NUSAP1: variants seen among roughly 807,000 people sequenced by gnomAD.
NUSAP1 encodes the protein nucleolar and spindle-associated protein 1.
In NUSAP1, 32 loss-of-function variants were observed where a neutral mutation model predicts 52.8. That is an observed-to-expected ratio of 0.61 (90% CI 0.46 to 0.81). The LOEUF is 0.81. Among genes scored for constraint, NUSAP1 ranks in the 40% least tolerant of loss-of-function variants. The pLI is 0.00. For synonymous variants in NUSAP1, 195 were observed against 183.1 expected (o/e 1.06, Z -0.52); for missense variants, 499 against 522.3 (o/e 0.96, Z 0.43).
intron 1 of NUSAP1, among the ~76,000 whole-genome samples, chr15:41,335,475 G>T (rs1293091733): frequency 7.3e-6 from 1 of 136,362 alleles, no homozygotes; most frequent in African/African-American, 2.7e-5. Flanking sequence ...TACATATTTA[G>T]TATTTAGTGT....
intron 4 of NUSAP1, among the ~76,000 whole-genome samples, chr15:41,353,816 C>G (rs1195960368): frequency 2.0e-5 from 3 of 152,110 alleles, no homozygotes; most frequent in Admixed American, 1.3e-4. Flanking sequence ...GTCCTATTCT[C>G]AACGTCCTCC....
At chr15:41,354,223 C>T (rs113710447) in intron 4 of NUSAP1, among the ~76,000 whole-genome samples, 4,222 of 152,152 alleles carry the variant, frequency 0.028, 87 homozygotes, top group Middle Eastern at 0.078. Flanking sequence ...CAGAAGCAAA[C>T]AGGCCAGGCG....
intron 10 of NUSAP1, among the ~76,000 whole-genome samples, chr15:41,379,753 G>C: frequency 6.6e-6 from 1 of 151,866 alleles, no homozygotes; most frequent in East Asian, 1.9e-4. Context: ...CACCATTTTG[G>C]CCAGGCTGGT....
At chr15:41,377,550 T>G (rs910723439) in intron 10 of NUSAP1, among the ~76,000 whole-genome samples, 1 of 150,488 alleles carries the variant, frequency 6.6e-6, no homozygotes, top group African/African-American at 2.5e-5. Context: ...ATACAAAAAA[T>G]TAGCTGGGCA....
chr15:41,340,091 T>G (rs1420568829), intron 1 of NUSAP1, among the ~76,000 whole-genome samples: 2 of 152,198 alleles, frequency 1.3e-5, no homozygotes, highest in Non-Finnish European at 2.9e-5. Context: ...TAATTTTTGC[T>G]GTGGCCTTTA....
At chr15:41,341,412 T>G (rs927427610) in intron 1 of NUSAP1, among the ~76,000 whole-genome samples, 2 of 152,132 alleles carry the variant, frequency 1.3e-5, no homozygotes, top group Non-Finnish European at 2.9e-5. Context: ...AAATTAACAT[T>G]GTTCTTTCAG....
intron 1 of NUSAP1, 108 bp from the exon 2 acceptor site, chr15:41,342,278 A>G (rs2048391537): frequency 4.1e-6 from 3 of 722,922 alleles, no homozygotes; most frequent in Non-Finnish European, 4.8e-6. Flanking sequence ...TTCTAGTCCT[A>G]TGGTCTGACC....
Position 41,349,208 on chromosome 15 carries a change from G to T in NUSAP1, c.273G>T (p.Arg91Ser). Reference sequence around the variant, plus strand: ...GCCATGTCACCAAAACAAGGAGAAGGTGCAAGACTGTCCGTGTGGACCCTG... The same window carrying T: ...GCCATGTCACCAAAACAAGGAGAAGTTGCAAGACTGTCCGTGTGGACCCTG... ...PLGHVTKTRR[R>S]CKTVRVDPDS... Residue 91 changes from arginine (R) to serine (S), a missense_variant, in exon 3 of 11, where the codon AGG becomes AGT. By Grantham distance (110) the Arg-to-Ser change is moderately radical. Transcript: ENST00000559596. 6.2e-7 allele frequency: 1 copy of T among 1,613,956 alleles called. No homozygotes were observed. The highest frequency in any genetic ancestry group is 1.6e-4 in the Middle Eastern group (1 of 6,062).
At chr15:41,337,548 A>G (rs1298658263) in intron 1 of NUSAP1, among the ~76,000 whole-genome samples, 1 of 152,188 alleles carries the variant, frequency 6.6e-6, no homozygotes, top group African/African-American at 2.4e-5. Context: ...TTAAAAAAAT[A>G]AAAAAGCCAA....
chr15:41,333,452 A>T (rs74376607), intron 1 of NUSAP1, among the ~76,000 whole-genome samples: 12,801 of 151,726 alleles, frequency 0.084, 687 homozygotes, highest in East Asian at 0.16. Flanking sequence ...CCCCAAACAG[A>T]CTCCAGTGAT....
At chr15:41,341,909 C>T (rs1000290473) in intron 1 of NUSAP1, among the ~76,000 whole-genome samples, 1 of 152,242 alleles carries the variant, frequency 6.6e-6, no homozygotes, top group African/African-American at 2.4e-5. Context: ...CTCTTACTAT[C>T]TCCTACAAAC....
At chr15:41,358,063 A>G (rs1165054692) in intron 5 of NUSAP1, 86 bp from the exon 6 acceptor site, 2 of 576,120 alleles carry the variant, frequency 3.5e-6, no homozygotes, top group African/African-American at 3.9e-5. Context: ...GATGCAAAGA[A>G]GAGAATAAGT....
At chr15:41,375,948 C>T in intron 9 of NUSAP1, 120 bp downstream of exon 9, 1 of 646,190 alleles carries the variant, frequency 1.5e-6, no homozygotes, top group Non-Finnish European at 2.8e-6. Context: ...CACCTGTAAT[C>T]CCAGATACTT....
chr15:41,366,291 CTTTTTTT>C (rs1200034822), intron 7 of NUSAP1, among the ~76,000 whole-genome samples: 4 of 139,786 alleles, frequency 2.9e-5, no homozygotes, highest in Admixed American at 7.2e-5. Context: ...TTTCTTTTTT[CTTTTTTT>C]TTTTTTTCTT....
At chr15:41,333,091 G>A in intron 1 of NUSAP1, 41 bp downstream of exon 1, 1 of 1,494,712 alleles carries the variant, frequency 6.7e-7, no homozygotes, top group Non-Finnish European at 9.2e-7. Context: ...GGGCGCGGCG[G>A]GAATAGCGGC....
At chr15:41,350,203 T>C (rs1288357341) in intron 3 of NUSAP1, among the ~76,000 whole-genome samples, 2 of 152,238 alleles carry the variant, frequency 1.3e-5, no homozygotes, top group East Asian at 3.8e-4. Context: ...ATCTAAAAGC[T>C]GAGCCTTGAA....
intron 1 of NUSAP1, among the ~76,000 whole-genome samples, chr15:41,335,986 C>A (rs2048113443): frequency 6.6e-6 from 1 of 151,042 alleles, no homozygotes; most frequent in Admixed American, 6.6e-5. Flanking sequence ...TATGGCCGGG[C>A]ATGGTGGCTT....
At chr15:41,334,135 T>C (rs2048029077) in intron 1 of NUSAP1, among the ~76,000 whole-genome samples, 2 of 152,162 alleles carry the variant, frequency 1.3e-5, no homozygotes, top group African/African-American at 4.8e-5. Context: ...TGTTTTTTCT[T>C]TGAGACGGAG....
intron 1 of NUSAP1, 34 bp downstream of exon 1, chr15:41,333,084 C>A: frequency 6.5e-7 from 1 of 1,545,886 alleles, no homozygotes; most frequent in Non-Finnish European, 8.8e-7. Context: ...CCTGGGCGGG[C>A]GCGGCGGGAA....
Sources: gnomAD v4.1 joint callset for allele counts (sites outside exome capture counted in the v4.1 genomes callset) on GRCh38, gnomAD v4.1.1 for gene constraint, MANE v1.5 for transcripts, NCBI Gene and HGNC (gene_info 2026-07-23, HGNC 2026-07-21) for gene names.